EYS: variants seen among roughly 807,000 people sequenced by gnomAD.
The protein encoded by EYS is protein eyes shut homolog.
EYS carries 250 observed loss-of-function variants against 282.1 expected under a neutral mutation model. The observed-to-expected ratio is 0.89, with a 90% confidence interval of 0.80 to 0.98. The LOEUF is 0.98. EYS is among the 50% of genes least tolerant of loss of function. The pLI, the probability that EYS is intolerant of heterozygous loss-of-function variation, is 0.00. For synonymous variants in EYS, 1,355 were observed against 1,282.9 expected (o/e 1.06, Z -1.20); for missense variants, 4,016 against 3,709.0 (o/e 1.08, Z -2.15).
chr6:64,517,213 C>T (rs911322788), intron 26 of EYS, among the ~76,000 whole-genome samples: 2 of 151,678 alleles, frequency 1.3e-5, no homozygotes, highest in African/African-American at 4.8e-5. Context: ...AATAGAACCT[C>T]ACAAATTAGA....
chr6:64,521,596 T>C (rs899681650), intron 26 of EYS, among the ~76,000 whole-genome samples: 3 of 151,726 alleles, frequency 2.0e-5, no homozygotes, highest in Admixed American at 1.3e-4. Flanking sequence ...AAGTGCCTCA[T>C]TGACAGACTC....
chr6:65,627,027 C>G (rs10944824), intron 2 of EYS, among the ~76,000 whole-genome samples: 1 of 137,996 alleles, frequency 7.2e-6, no homozygotes, highest in Non-Finnish European at 1.6e-5. Context: ...TTCTTTCTTT[C>G]TCTTTCTTTC....
intron 26 of EYS, among the ~76,000 whole-genome samples, chr6:64,532,749 G>A (rs969251179): frequency 2.3e-4 from 35 of 151,804 alleles, no homozygotes; most frequent in African/African-American, 8.2e-4. Context: ...AATATTCTGA[G>A]GAGAAAATTT....
At chr6:64,677,393 A>G (rs1405384417) in intron 22 of EYS, among the ~76,000 whole-genome samples, 1 of 152,132 alleles carries the variant, frequency 6.6e-6, no homozygotes, top group Non-Finnish European at 1.5e-5. Context: ...TTGCTAACTC[A>G]GTTTTTCTAA....
chr6:64,834,132 C>G (rs1765308714), intron 19 of EYS, among the ~76,000 whole-genome samples: 1 of 151,814 alleles, frequency 6.6e-6, no homozygotes, highest in Non-Finnish European at 1.5e-5. Context: ...GCAGACCCAG[C>G]AGTCACTAAG....
intron 26 of EYS, among the ~76,000 whole-genome samples, chr6:64,574,570 G>C (rs890894696): frequency 6.6e-6 from 1 of 152,094 alleles, no homozygotes; most frequent in Non-Finnish European, 1.5e-5. Context: ...GCTACCTTGA[G>C]TCAATTAATG....
chr6:65,672,056 C>T (rs887260288), intron 1 of EYS, among the ~76,000 whole-genome samples: 2 of 152,128 alleles, frequency 1.3e-5, no homozygotes, highest in African/African-American at 4.8e-5. Context: ...AATTTGAATG[C>T]TCTAGATGCT....
chr6:64,537,430 C>T (rs1764555420), intron 26 of EYS, among the ~76,000 whole-genome samples: 1 of 151,892 alleles, frequency 6.6e-6, no homozygotes, highest in Non-Finnish European at 1.5e-5. Flanking sequence ...GGGTTGGTTC[C>T]AAGTCTTGTA....
intron 26 of EYS, among the ~76,000 whole-genome samples, chr6:64,537,784 T>C (rs998191246): frequency 1.3e-5 from 2 of 152,338 alleles, no homozygotes; most frequent in East Asian, 1.9e-4. Context: ...CTATTTGTGA[T>C]AGACTTATTC....
At chr6:64,121,576 T>TG (rs1773590838) in intron 31 of EYS, among the ~76,000 whole-genome samples, 1 of 152,216 alleles carries the variant, frequency 6.6e-6, no homozygotes, top group Non-Finnish European at 1.5e-5. Context: ...TAATCCACTT[T>TG]CTTAGTTTCC....
intron 23 of EYS, 36 bp from the exon 24 acceptor site, chr6:64,617,569 T>G (rs1386987164): frequency 8.4e-7 from 1 of 1,188,552 alleles, no homozygotes; most frequent in African/African-American, 1.5e-5. Flanking sequence ...TATGCAATTT[T>G]TAATGATAAT....
At chr6:65,595,049 C>T (rs1765359332) in intron 2 of EYS, among the ~76,000 whole-genome samples, 1 of 151,992 alleles carries the variant, frequency 6.6e-6, no homozygotes, top group Non-Finnish European at 1.5e-5. Flanking sequence ...CAGTACCATG[C>T]TGTTTTGGTT....
At chr6:64,531,443 G>T (rs1444004645) in intron 26 of EYS, among the ~76,000 whole-genome samples, 3 of 150,674 alleles carry the variant, frequency 2.0e-5, no homozygotes, top group African/African-American at 7.3e-5. Flanking sequence ...CTGGAGTGCA[G>T]TGGCGTGATC....
intron 36 of EYS, among the ~76,000 whole-genome samples, chr6:63,815,576 C>T (rs1771157327): frequency 6.6e-6 from 1 of 152,200 alleles, no homozygotes. Flanking sequence ...ATTCCTCCTT[C>T]TATATTTAAT....
At chr6:64,766,428 T>C (rs1169550187) in intron 22 of EYS, among the ~76,000 whole-genome samples, 1 of 149,204 alleles carries the variant, frequency 6.7e-6, no homozygotes, top group African/African-American at 2.5e-5. Flanking sequence ...GGTCAGGAGT[T>C]CAAGACCAGC....
chr6:65,079,761 T>C (rs1774172753), intron 12 of EYS, among the ~76,000 whole-genome samples: 1 of 152,102 alleles, frequency 6.6e-6, no homozygotes, highest in African/African-American at 2.4e-5. Context: ...ATACTCTAAT[T>C]TACATATATT....
At chr6:65,402,679 G>T in intron 6 of EYS, 74 bp from the exon 7 acceptor site, 1 of 968,164 alleles carries the variant, frequency 1.0e-6, no homozygotes, top group East Asian at 2.5e-5. Flanking sequence ...TTCTTACCTG[G>T]AGAAGGGTTA....
At chr6:65,115,967 A>T (rs1351432457) in intron 12 of EYS, among the ~76,000 whole-genome samples, 35 of 23,848 alleles carry the variant, frequency 1.5e-3, no homozygotes, top group Non-Finnish European at 2.6e-3. Context: ...TGTCTATCTA[A>T]TCTATCTATC....
intron 24 of EYS, among the ~76,000 whole-genome samples, chr6:64,608,782 T>C (rs1276835682): frequency 6.6e-6 from 1 of 152,124 alleles, no homozygotes; most frequent in African/African-American, 2.4e-5. Flanking sequence ...ATCCCCATTA[T>C]TAAGTGAAAG....
Sources: gnomAD v4.1 joint callset for allele counts (sites outside exome capture counted in the v4.1 genomes callset) on GRCh38, gnomAD v4.1.1 for gene constraint, MANE v1.5 for transcripts, NCBI Gene and HGNC (gene_info 2026-07-23, HGNC 2026-07-21) for gene names.